The following PTPRD variants were observed in gnomAD, a reference collection of about 807,000 sequenced individuals.
PTPRD encodes receptor-type tyrosine-protein phosphatase delta.
Under a neutral mutation model 214.5 loss-of-function variants are expected in PTPRD, and 34 were observed. The observed-to-expected ratio is 0.16, with a 90% CI of 0.12 to 0.21. PTPRD has a LOEUF of 0.21. Ranked by LOEUF, PTPRD falls within the 10% of genes least tolerant of loss-of-function variation. The probability of loss-of-function intolerance (pLI) is 1.00; values close to 1 mark genes in which losing one functional copy is unlikely to be tolerated. For synonymous variants in PTPRD, 1,128 were observed against 845.7 expected, an observed-to-expected ratio of 1.33 and a Z score of -5.79; for missense variants, 2,545 against 2,398.7, an observed-to-expected ratio of 1.06 and a Z score of -1.27.
At position 10,492,362 on chromosome 9, in the gene PTPRD, C is replaced by G. The variant is rs1447329621; in HGVS notation, c.-600+120036G>C. 3.9e-5 allele frequency among the ~76,000 whole-genome samples: 6 copies of G among 152,012 alleles called. No individual in the cohort carries two copies. The South Asian group carries it at 1.2e-3, about 32-fold the overall frequency. ...AAAGTGTTCCTATTTTTTCACATCC[C>G]CTCCAGCATCTGTTGTTTCCTGACT... On this transcript the variant is annotated intron_variant, in intron 2 of 45. Transcript: ENST00000381196.
chr9:10,296,262 A>G (rs2095669426), intron 3 of PTPRD, among the ~76,000 whole-genome samples: 1 of 152,118 alleles, frequency 6.6e-6, no homozygotes, highest in Non-Finnish European at 1.5e-5. Context: ...CAATAGTCAC[A>G]TAAGTAGTTC....
intron 11 of PTPRD, among the ~76,000 whole-genome samples, chr9:8,904,223 G>A (rs953017006): frequency 6.6e-6 from 1 of 152,104 alleles, no homozygotes; most frequent in Non-Finnish European, 1.5e-5. Context: ...TATCTCCTAA[G>A]AACTACTAGG....
chr9:9,749,827 C>A (rs1198471587), intron 6 of PTPRD, among the ~76,000 whole-genome samples: 1 of 152,222 alleles, frequency 6.6e-6, no homozygotes. Flanking sequence ...CTTTCCTCCC[C>A]TCATCCATTA....
chr9:9,933,297 G>C (rs1456040719), intron 5 of PTPRD, among the ~76,000 whole-genome samples: 1 of 152,308 alleles, frequency 6.6e-6, no homozygotes, highest in Admixed American at 6.5e-5. Flanking sequence ...TGGATAAAGA[G>C]TCAAGACCCA....
At chr9:9,321,412 G>A (rs553642685) in intron 9 of PTPRD, among the ~76,000 whole-genome samples, 42 of 152,020 alleles carry the variant, frequency 2.8e-4, no homozygotes, top group Admixed American at 1.0e-3. Context: ...AAAATCAGCC[G>A]GGCGTGGTGG....
At chr9:10,270,280 T>C (rs1042581796) in intron 3 of PTPRD, among the ~76,000 whole-genome samples, 9 of 152,094 alleles carry the variant, frequency 5.9e-5, no homozygotes, top group African/African-American at 2.2e-4. Flanking sequence ...TTTTTGAAAA[T>C]AAAAGTTTAT....
At chr9:9,808,865 G>A (rs1372548390) in intron 5 of PTPRD, among the ~76,000 whole-genome samples, 6 of 151,920 alleles carry the variant, frequency 3.9e-5, no homozygotes, top group African/African-American at 1.2e-4. Flanking sequence ...TCAAACTCCT[G>A]GGCTCAAGCT....
intron 2 of PTPRD, among the ~76,000 whole-genome samples, chr9:10,609,968 C>A (rs555100712): frequency 1.8e-4 from 27 of 152,208 alleles, no homozygotes; most frequent in Admixed American, 5.2e-4. Flanking sequence ...TTAGAAAGAA[C>A]CCCTTTAGTA....
chr9:10,554,188 C>A (rs189910887), intron 2 of PTPRD, among the ~76,000 whole-genome samples: 69 of 152,198 alleles, frequency 4.5e-4, no homozygotes, highest in African/African-American at 1.6e-3. Flanking sequence ...CTCTACTGTT[C>A]CTTGCCCTTA....
intron 9 of PTPRD, among the ~76,000 whole-genome samples, chr9:9,214,564 G>A (rs1409648574): frequency 6.6e-6 from 1 of 151,818 alleles, no homozygotes; most frequent in Non-Finnish European, 1.5e-5. Flanking sequence ...GCTTCTCAAT[G>A]AGGAGAAAGC....
At chr9:8,471,367 G>T (rs998909750) in intron 30 of PTPRD, among the ~76,000 whole-genome samples, 1 of 152,014 alleles carries the variant, frequency 6.6e-6, no homozygotes, top group African/African-American at 2.4e-5. Flanking sequence ...GTTTGTTAGG[G>T]CCCTGGTGCT....
intron 7 of PTPRD, among the ~76,000 whole-genome samples, chr9:9,575,717 C>CAAAAAAA (rs757614546): frequency 4.4e-3 from 145 of 33,328 alleles, no homozygotes; most frequent in East Asian, 9.5e-3. Context: ...AAGACTGTCT[C>CAAAAAAA]AAAAAAAAAA....
intron 6 of PTPRD, among the ~76,000 whole-genome samples, chr9:9,759,555 C>CTTTTT (rs3050068): frequency 1.3e-4 from 15 of 117,818 alleles, no homozygotes; most frequent in South Asian, 3.2e-4. Flanking sequence ...CAAGGTCTGT[C>CTTTTT]TTTTTTTTTT....
chr9:9,196,661 A>G (rs10977564), intron 9 of PTPRD, among the ~76,000 whole-genome samples: 30,012 of 152,156 alleles, frequency 0.2, 3,091 homozygotes, highest in East Asian at 0.38. Context: ...GTTGTTGTGA[A>G]TATTACGTGA....
chr9:9,424,502 G>A (rs769058667), intron 8 of PTPRD, among the ~76,000 whole-genome samples: 2 of 152,140 alleles, frequency 1.3e-5, no homozygotes, highest in African/African-American at 2.4e-5. Flanking sequence ...AGAAGAAAAT[G>A]CTGTTGCTTG....
chr9:9,864,306 A>G (rs1400724571), intron 5 of PTPRD, among the ~76,000 whole-genome samples: 1 of 150,936 alleles, frequency 6.6e-6, no homozygotes, highest in African/African-American at 2.5e-5. Flanking sequence ...ACTCAGTCTT[A>G]AGAAAAAGAA....
At position 8,817,605 on chromosome 9, in the gene PTPRD, T is replaced by G. The variant is rs182293965; in HGVS notation, c.-103-83659A>C. On this transcript the variant is annotated intron_variant, in intron 11 of 45. Coordinates refer to ENST00000381196, the MANE Select transcript of PTPRD (RefSeq NM_002839.4). ...GTGATCACACCACTGTCCTCCACCC[T>G]GGGTGACACAGCAAGCCCCTGTCTC... 2.8e-3 allele frequency among the ~76,000 whole-genome samples: 428 copies of G among 152,142 alleles called. 2 individuals carry two copies. Among genetic ancestry groups the G allele is most frequent in the Admixed American group, 0.023 (356 of 15,272 alleles).
At chr9:10,129,697 T>C (rs930500332) in intron 3 of PTPRD, among the ~76,000 whole-genome samples, 2 of 152,040 alleles carry the variant, frequency 1.3e-5, no homozygotes, top group African/African-American at 4.8e-5. Flanking sequence ...TGGTACATTA[T>C]AATTACCGTT....
At chr9:9,157,280 C>G (rs1569555820) in intron 10 of PTPRD, among the ~76,000 whole-genome samples, 2 of 151,564 alleles carry the variant, frequency 1.3e-5, no homozygotes, top group South Asian at 2.1e-4. Flanking sequence ...TAACAAAGTT[C>G]AGAGCAGAGA....
Sources: allele counts gnomAD v4.1 joint callset (sites outside exome capture counted in the v4.1 genomes callset), GRCh38; gene constraint gnomAD v4.1.1; transcripts MANE v1.5; gene names NCBI Gene and HGNC (gene_info 2026-07-23, HGNC 2026-07-21).